The following ITGA4 variants were observed in gnomAD, a reference collection of about 807,000 sequenced individuals.
ITGA4 encodes integrin alpha-4.
A neutral mutation model predicts 133.6 loss-of-function variants in ITGA4; 63 were observed. That is an observed-to-expected ratio of 0.47 (90% CI 0.38 to 0.58). The LOEUF is 0.58. Among genes scored for constraint, ITGA4 ranks in the 20% least tolerant of loss-of-function variants. The pLI is 0.00. For missense variants in ITGA4, 1,076 were observed against 1,252.7 expected, an observed-to-expected ratio of 0.86 and a Z score of 2.13; for synonymous variants, 483 against 438.0, an observed-to-expected ratio of 1.10 and a Z score of -1.28.
intron 2 of ITGA4, among the ~76,000 whole-genome samples, chr2:181,460,566 A>AATCTGTGTGT (rs79689303): frequency 6.8e-6 from 1 of 147,958 alleles, no homozygotes; most frequent in African/African-American, 2.5e-5. Context: ...TCTGTAGAAG[A>AATCTGTGTGT]GTGTGTGTGT....
chr2:181,513,447 T>C (rs1296200554), intron 17 of ITGA4, among the ~76,000 whole-genome samples: 1 of 152,068 alleles, frequency 6.6e-6, no homozygotes, highest in African/African-American at 2.4e-5. Flanking sequence ...ATATCCAGAA[T>C]TATTAAGTAC....
In ITGA4 at chr2:181,523,329, A is replaced by G. The variant is rs1398364372; in HGVS notation, c.2074-108A>G. 1 of 650,200 alleles carries G rather than the reference A, an allele frequency of 1.5e-6. No individual in the cohort carries two copies. Among genetic ancestry groups the G allele is most frequent in the African/African-American group, 1.8e-5 (1 of 54,432 alleles). 40.3% of individuals were successfully genotyped at this position (650,200 alleles called of 1,614,324 possible). On this transcript the variant is annotated intron_variant, in intron 18 of 27. Coordinates refer to ENST00000397033, the MANE Select transcript of ITGA4 (RefSeq NM_000885.6). The surrounding 1 kb of genome is among the most constrained non-coding windows in gnomAD (Gnocchi z 4.2). ...AAATAGAAAATAGTTTTCCTAGAAA[A>G]GCAAATACTTCTGGGATGATATTCT... is the stretch of plus-strand genomic sequence containing the variant.
Position 181,538,062 on chromosome 2 carries a change from C to CA in ITGA4, c.*2535_*2536insA, listed in dbSNP as rs1373289587. 2.3e-4 allele frequency: 162 copies of CA among 716,384 alleles called. 1 individual carries two copies. The East Asian group carries it at 4.3e-3, about 19-fold the overall frequency. 44.4% of individuals were successfully genotyped at this position (716,384 alleles called of 1,614,324 possible). On this transcript the variant is annotated 3_prime_UTR_variant, in exon 28 of 28. Coordinates refer to ENST00000397033, the MANE Select transcript of ITGA4 (RefSeq NM_000885.6). ...CATCCTGAAACCATTCCCCCATCCA[C>CA]GGAAAAATTGTCTTCCATGAAACTG...
rs771034744 is a variant in ITGA4, at chr2:181,525,272, G to A, written c.2320G>A (p.Val774Ile). The A allele has an allele frequency of 6.3e-7, 1 of 1,592,208 alleles. No individual in the cohort carries two copies. The highest frequency in any genetic ancestry group is 1.1e-5 in the South Asian group (1 of 90,432). ...VTVAIPLKYE[V>I]KLTVHGFVNP... ...TGTAGCAATACCTTTAAAATATGAGGTTAAGCTGACTGTTCATGGGTAAGT... is the reference window on the plus strand; with the variant it reads ...TGTAGCAATACCTTTAAAATATGAGATTAAGCTGACTGTTCATGGGTAAGT... Residue 774 changes from valine to isoleucine, a missense_variant, in exon 21 of 28, where the codon GTT becomes ATT. Transcript: ENST00000397033.
intron 10 of ITGA4, among the ~76,000 whole-genome samples, chr2:181,489,477 A>G (rs1006362561): frequency 2.0e-5 from 3 of 152,154 alleles, no homozygotes; most frequent in Non-Finnish European, 4.4e-5. Flanking sequence ...AGACTTGACC[A>G]CTATTTATCG....
At chr2:181,480,920 A>C (rs145041734) in intron 6 of ITGA4, among the ~76,000 whole-genome samples, 5 of 152,320 alleles carry the variant, frequency 3.3e-5, no homozygotes, top group East Asian at 1.9e-4. Flanking sequence ...ATTAATGTCC[A>C]TTACAAGAAA....
chr2:181,517,148 G>T (rs983650541), intron 17 of ITGA4, among the ~76,000 whole-genome samples: 5 of 151,974 alleles, frequency 3.3e-5, no homozygotes, highest in African/African-American at 9.7e-5. Flanking sequence ...GATAAAAATT[G>T]TACTTAGGCC....
At chr2:181,464,445 C>T (rs568194048) in intron 2 of ITGA4, among the ~76,000 whole-genome samples, 7 of 152,070 alleles carry the variant, frequency 4.6e-5, no homozygotes, top group African/African-American at 1.4e-4. Context: ...ATGGTTAAAG[C>T]CCTTGAGTAA....
chr2:181,529,778 G>A, intron 23 of ITGA4, 130 bp downstream of exon 23: 1 of 567,664 alleles, frequency 1.8e-6, no homozygotes, highest in East Asian at 3.0e-5. Context: ...CACACTCTAA[G>A]CTATGAATTC....
In ITGA4 at chr2:181,523,081, T is replaced by C. The variant is rs972943518; in HGVS notation, c.2074-356T>C. Among the ~76,000 whole-genome samples the C allele has an allele frequency of 2.6e-5, 4 of 152,080 alleles. No homozygotes were observed. The highest frequency in any genetic ancestry group is 7.2e-5 in the African/African-American group (3 of 41,412). On this transcript the variant is annotated intron_variant, in intron 18 of 27. Transcript: ENST00000397033. The surrounding 1 kb of genome is among the most constrained non-coding windows in gnomAD (Gnocchi z 4.2). The stretch of plus-strand genomic sequence containing the variant: ...TTCAGACCCTGGATTAAATAGGGAA[T>C]ATATCAAGATAAATGAAAGCTACAA...
Position 181,535,667 on chromosome 2 carries a change from A to G in ITGA4, c.*140A>G, listed in dbSNP as rs1687054140. The G allele has an allele frequency of 9.1e-7, 1 of 1,095,286 alleles. No homozygotes were observed. The highest frequency in any genetic ancestry group is 2.6e-5 in the East Asian group (1 of 38,448). 67.8% of individuals were successfully genotyped at this position (1,095,286 alleles called of 1,614,324 possible). A position where few individuals can be genotyped will look rare whatever the true frequency, so the allele number is the denominator to read the frequency against. On this transcript the variant is annotated 3_prime_UTR_variant, in exon 28 of 28. Coordinates refer to ENST00000397033, the MANE Select transcript of ITGA4 (RefSeq NM_000885.6). The stretch of plus-strand genomic sequence containing the variant: ...CTTGTGACATATTATGTCTTCATGC[A>G]AGGGGAAAATCTCAGCAATGATTAC...
At chr2:181,472,810 T>A (rs1685586328) in intron 2 of ITGA4, among the ~76,000 whole-genome samples, 1 of 152,174 alleles carries the variant, frequency 6.6e-6, no homozygotes. Context: ...TCCCTCTGTT[T>A]TCCCCTTCTC....
intron 15 of ITGA4, among the ~76,000 whole-genome samples, chr2:181,507,326 C>G (rs890023696): frequency 1.3e-5 from 2 of 152,174 alleles, no homozygotes; most frequent in East Asian, 3.9e-4. Flanking sequence ...GATTTCTCAT[C>G]GACATGTCTT....
chr2:181,464,112 A>C (rs1011124289), intron 2 of ITGA4, among the ~76,000 whole-genome samples: 40 of 152,242 alleles, frequency 2.6e-4, no homozygotes, highest in African/African-American at 8.2e-4. Flanking sequence ...TAAGAGGGTG[A>C]AGCCAAAGAG....
rs1357827946 is a variant in ITGA4 at position 181,457,732 on chromosome 2, G to T, written c.78G>T (p.Leu26=). ...AGACGGTGATGCTGTTGCTGTGCCTGGGGGTCCCGACCGGCCGCCCCTACA... is the reference window on the plus strand; with the variant it reads ...AGACGGTGATGCTGTTGCTGTGCCTTGGGGTCCCGACCGGCCGCCCCTACA... ...VRETVMLLLC[L]GVPTGRPYNV... Residue 26 remains leucine (L), a synonymous_variant, in exon 1 of 28, where the codon CTG becomes CTT. Transcript: ENST00000397033. 1 of 1,612,908 alleles carries T rather than the reference G, an allele frequency of 6.2e-7. No homozygotes were observed. The highest frequency in any genetic ancestry group is 1.7e-5 in the Admixed American group (1 of 59,952).
At chr2:181,506,723 G>T (rs1055382619) in intron 15 of ITGA4, among the ~76,000 whole-genome samples, 1 of 152,034 alleles carries the variant, frequency 6.6e-6, no homozygotes, top group East Asian at 1.9e-4. Flanking sequence ...AATAATATGT[G>T]TGATAGGGAT....
At chr2:181,480,935 A>G (rs1226300127) in intron 6 of ITGA4, among the ~76,000 whole-genome samples, 2 of 152,200 alleles carry the variant, frequency 1.3e-5, no homozygotes, top group Admixed American at 6.6e-5. Context: ...AAGAAAATAA[A>G]TGCTTTTCCT....
At chr2:181,530,831 C>A (rs1166504401) in intron 24 of ITGA4, among the ~76,000 whole-genome samples, 182 bp downstream of exon 24, 1 of 152,112 alleles carries the variant, frequency 6.6e-6, no homozygotes. Flanking sequence ...GGGTCTATCC[C>A]ATATATAAAC....
chr2:181,485,858 G>A (rs201616455), intron 9 of ITGA4, 23 bp from the exon 10 acceptor site: 11 of 1,570,298 alleles, frequency 7.0e-6, no homozygotes, highest in African/African-American at 4.1e-5. Context: ...ATAATGACAC[G>A]TTTTCTCTCC....
Sources: allele counts gnomAD v4.1 joint callset (sites outside exome capture counted in the v4.1 genomes callset), GRCh38; gene constraint gnomAD v4.1.1; non-coding constraint Gnocchi (gnomAD v3.1); transcripts MANE v1.5; gene names NCBI Gene and HGNC (gene_info 2026-07-23, HGNC 2026-07-21).